MORC1: variants seen among roughly 807,000 people sequenced by gnomAD.
MORC1 encodes MORC family CW-type zinc finger protein 1.
In MORC1, 59 loss-of-function variants were observed where a neutral mutation model predicts 134.9. The ratio of observed to expected loss-of-function variants is 0.44; its 90% CI spans 0.35 to 0.54. The LOEUF (loss-of-function observed/expected upper bound fraction) is 0.54. Among genes scored for constraint, MORC1 ranks in the 20% least tolerant of loss-of-function variants. MORC1 has a pLI of 0.00. For missense variants in MORC1, 947 were observed against 1,134.5 expected (o/e 0.83, Z 2.37); for synonymous variants, 395 against 391.7 (o/e 1.01, Z -0.10).
At chr3:109,069,232 T>C (rs1005880756) in intron 9 of MORC1, among the ~76,000 whole-genome samples, 2 of 152,200 alleles carry the variant, frequency 1.3e-5, no homozygotes, top group Admixed American at 1.3e-4. Flanking sequence ...ACCAGATACA[T>C]ATTTATAAAT....
chr3:109,100,869 T>C (rs1034195650), intron 4 of MORC1, among the ~76,000 whole-genome samples: 5 of 152,294 alleles, frequency 3.3e-5, no homozygotes, highest in South Asian at 4.1e-4. Context: ...TTGGGTATTA[T>C]AAGGAACCTG....
At position 109,100,453 on chromosome 3, in the gene MORC1, A is replaced by C. The variant is rs758470825; in HGVS notation, c.278T>G (p.Leu93Trp). ...ATTGCCGTATTGCCCTATGAACTTCAAGGTTGACAGCCGTTTTTTGGATCG... is the reference window on the plus strand; with the variant it reads ...ATTGCCGTATTGCCCTATGAACTTCCAGGTTGACAGCCGTTTTTTGGATCG... ...FGRSKKRLSTLKFIGQYGNGL... is the reference protein window; with the variant it reads ...FGRSKKRLSTWKFIGQYGNGL... Residue 93 changes from leucine to tryptophan, a missense_variant, in exon 5 of 28, where the codon TTG becomes TGG. Transcript: ENST00000232603. 1.2e-6 allele frequency: 2 copies of C among 1,613,742 alleles called. No individual in the cohort carries two copies. Among genetic ancestry groups the C allele is most frequent in the East Asian group, 2.2e-5 (1 of 44,884 alleles).
At chr3:109,037,747 C>T (rs554108848) in intron 14 of MORC1, among the ~76,000 whole-genome samples, 2 of 152,284 alleles carry the variant, frequency 1.3e-5, no homozygotes, top group East Asian at 3.9e-4. Context: ...CTGGCTTCAT[C>T]CATGTCCCTG....
At chr3:109,075,652 G>A (rs973192892) in intron 8 of MORC1, among the ~76,000 whole-genome samples, 3 of 152,032 alleles carry the variant, frequency 2.0e-5, no homozygotes, top group African/African-American at 4.8e-5. Flanking sequence ...TGTTCCACTG[G>A]TCTATATATC....
At chr3:108,976,570 ATAC>A (rs1182128089) in intron 24 of MORC1, among the ~76,000 whole-genome samples, 1 of 152,268 alleles carries the variant, frequency 6.6e-6, no homozygotes, top group Non-Finnish European at 1.5e-5. Flanking sequence ...TTGAGAAAAC[ATAC>A]TACATGTTGC....
At chr3:109,031,241 G>A (rs1295261616) in intron 16 of MORC1, among the ~76,000 whole-genome samples, 5 of 152,110 alleles carry the variant, frequency 3.3e-5, no homozygotes, top group Non-Finnish European at 1.5e-5. Context: ...GGGATCAAGG[G>A]CCTCTAGTGA....
chr3:109,079,108 A>G (rs1224265595), intron 8 of MORC1, among the ~76,000 whole-genome samples: 1 of 152,068 alleles, frequency 6.6e-6, no homozygotes, highest in Non-Finnish European at 1.5e-5. Context: ...AGAAATTCCC[A>G]ACTCATTCTA....
intron 14 of MORC1, among the ~76,000 whole-genome samples, chr3:109,041,597 C>T (rs1341088636): frequency 3.3e-5 from 5 of 152,020 alleles, no homozygotes; most frequent in African/African-American, 1.2e-4. Context: ...GCCTGTAATC[C>T]CAGCACTTTC....
rs28594851 is a variant in MORC1 at position 109,044,982 on chromosome 3, C to T, written c.1331-9514G>A. ...AAAAGAAAAAGAAATACAACATCCTCTTAGATGTCAGTTTTGTATCTGTTC... is the reference window on the plus strand; with the variant it reads ...AAAAGAAAAAGAAATACAACATCCTTTTAGATGTCAGTTTTGTATCTGTTC... On this transcript the variant is annotated intron_variant, in intron 14 of 27. Transcript: ENST00000232603. 8.9e-3 allele frequency among the ~76,000 whole-genome samples: 1,352 copies of T among 151,392 alleles called. 8 individuals carry two copies. The highest frequency in any genetic ancestry group is 0.016 in the Non-Finnish European group (1,078 of 67,804).
rs118086084 is a variant in MORC1, at chr3:109,064,203, C to T, written c.816-972G>A. 1.9e-4 allele frequency among the ~76,000 whole-genome samples: 29 copies of T among 152,232 alleles called. 1 individual carries two copies. The East Asian group carries it at 5.4e-3, about 28-fold the overall frequency. On this transcript the variant is annotated intron_variant, in intron 9 of 27. Coordinates refer to ENST00000232603, the MANE Select transcript of MORC1 (RefSeq NM_014429.4). The stretch of plus-strand genomic sequence containing the variant: ...GGAAAGATATTTATTAAACTTCTAA[C>T]AGAGATTCTCCTTTGGGGAACATTA...
At chr3:109,009,196 C>A (rs1408130898) in intron 17 of MORC1, among the ~76,000 whole-genome samples, 1 of 141,818 alleles carries the variant, frequency 7.1e-6, no homozygotes, top group African/African-American at 2.6e-5. Context: ...CCTATTTTTA[C>A]GTTTTTTGTT....
chr3:109,053,561 G>A (rs1338649884), intron 14 of MORC1, among the ~76,000 whole-genome samples: 3 of 151,930 alleles, frequency 2.0e-5, no homozygotes, highest in Non-Finnish European at 2.9e-5. Context: ...ACTTATAAGT[G>A]GGAGCTAAAC....
intron 21 of MORC1, among the ~76,000 whole-genome samples, chr3:108,994,276 G>T (rs1048613097): frequency 1.3e-5 from 2 of 151,782 alleles, no homozygotes; most frequent in African/African-American, 4.8e-5. Flanking sequence ...TGACCATCAC[G>T]TGCTTAAAAA....
chr3:109,001,177 G>A (rs1948394618), intron 20 of MORC1, among the ~76,000 whole-genome samples: 1 of 151,750 alleles, frequency 6.6e-6, no homozygotes, highest in Non-Finnish European at 1.5e-5. Flanking sequence ...CTTTCACCCA[G>A]GCTGGAGTGC....
intron 8 of MORC1, among the ~76,000 whole-genome samples, chr3:109,088,252 G>T (rs890998844): frequency 1.3e-5 from 2 of 152,052 alleles, no homozygotes; most frequent in African/African-American, 4.8e-5. Flanking sequence ...AAGAGTTTCT[G>T]CACAGCAAAA....
chr3:108,961,501 C>T (rs903374577), intron 27 of MORC1, among the ~76,000 whole-genome samples: 5 of 152,080 alleles, frequency 3.3e-5, no homozygotes, highest in Non-Finnish European at 5.9e-5. Flanking sequence ...TTTCCACACT[C>T]GGCTTCTTCA....
chr3:109,081,075 A>G (rs981234414), intron 8 of MORC1, among the ~76,000 whole-genome samples: 13 of 152,194 alleles, frequency 8.5e-5, no homozygotes, highest in Admixed American at 2.0e-4. Context: ...AAAGACTATA[A>G]AGAAATAAAC....
In MORC1 at chr3:109,090,879, C is replaced by T. The variant is rs961886974; in HGVS notation, c.689+2557G>A. On this transcript the variant is annotated intron_variant, in intron 8 of 27. Transcript: ENST00000232603. ...CCTACCCAGTAGAGATAAGGGGATA[C>T]AATAATCACCAGGAAAAGAAATGGT... Among the ~76,000 whole-genome samples, 15 of 151,942 alleles carry T rather than the reference C, an allele frequency of 9.9e-5. No individual in the cohort carries two copies. The South Asian group carries it at 2.1e-3, about 21-fold the overall frequency.
intron 17 of MORC1, among the ~76,000 whole-genome samples, chr3:109,013,813 G>C (rs1948754924): frequency 1.3e-5 from 2 of 152,102 alleles, no homozygotes; most frequent in South Asian, 4.1e-4. Flanking sequence ...GAGGTGTTTA[G>C]GTTATGAGGA....
Sources: allele counts gnomAD v4.1 joint callset (sites outside exome capture counted in the v4.1 genomes callset), GRCh38; gene constraint gnomAD v4.1.1; transcripts MANE v1.5; gene names NCBI Gene and HGNC (gene_info 2026-07-23, HGNC 2026-07-21).